Variants in MYH15 observed in about 807,000 individuals in gnomAD.
MYH15 encodes the protein myosin heavy chain 15.
MYH15 carries 227 observed loss-of-function variants against 240.5 expected under a neutral mutation model. The observed-to-expected ratio is 0.94, with a 90% CI of 0.85 to 1.05. The LOEUF (loss-of-function observed/expected upper bound fraction) is 1.05. Among genes scored for constraint, MYH15 ranks in the 50% least tolerant of loss-of-function variants. The pLI, the probability that MYH15 is intolerant of heterozygous loss-of-function variation, is 0.00. For synonymous variants in MYH15, 785 were observed against 796.7 expected, an observed-to-expected ratio of 0.99 and a Z score of 0.25; for missense variants, 2,217 against 2,247.5, an observed-to-expected ratio of 0.99 and a Z score of 0.27.
chr3:108,519,149 T>C (rs555174106), intron 1 of MYH15, among the ~76,000 whole-genome samples: 1 of 152,238 alleles, frequency 6.6e-6, no homozygotes, highest in East Asian at 1.9e-4. Context: ...ATGCAACATG[T>C]CCATACAGGC....
the MYH15 span, among the ~76,000 whole-genome samples, chr3:108,539,601 TA>T: frequency 3.9e-5 from 6 of 152,014 alleles, no homozygotes; most frequent in African/African-American, 7.2e-5. Flanking sequence ...GTCAATTACA[TA>T]AAATAGGAAA....
intron 9 of MYH15, among the ~76,000 whole-genome samples, chr3:108,489,940 G>A (rs2107598196): frequency 1.3e-5 from 2 of 152,330 alleles, no homozygotes; most frequent in Middle Eastern, 3.4e-3. Flanking sequence ...AAAGACCGAA[G>A]AAGATAAATG....
chr3:108,408,699 G>A (rs1284594172), intron 31 of MYH15, among the ~76,000 whole-genome samples: 3 of 152,196 alleles, frequency 2.0e-5, no homozygotes, highest in African/African-American at 7.2e-5. Context: ...CTGCTCATTA[G>A]AGCCATTCCA....
intron 28 of MYH15, among the ~76,000 whole-genome samples, chr3:108,417,764 C>T (rs1560339739): frequency 6.7e-6 from 1 of 149,620 alleles, no homozygotes; most frequent in Non-Finnish European, 1.5e-5. Context: ...GTGTCAGATA[C>T]ACACACACAC....
intron 31 of MYH15, among the ~76,000 whole-genome samples, 172 bp from the exon 32 acceptor site, chr3:108,408,576 T>C (rs923411060): frequency 6.6e-6 from 1 of 152,242 alleles, no homozygotes; most frequent in African/African-American, 2.4e-5. Context: ...GTATTCATTT[T>C]TTCATATAGT....
chr3:108,433,143 C>T (rs2082795008), intron 25 of MYH15, among the ~76,000 whole-genome samples: 1 of 152,208 alleles, frequency 6.6e-6, no homozygotes, highest in Non-Finnish European at 1.5e-5. Flanking sequence ...CAATGGGAAC[C>T]TACCTCTTGC....
chr3:108,480,416 T>C (rs1326300707), intron 11 of MYH15, among the ~76,000 whole-genome samples: 1 of 152,180 alleles, frequency 6.6e-6, no homozygotes, highest in Non-Finnish European at 1.5e-5. Context: ...GGGTGACTTC[T>C]GGTCGCAGAA....
chr3:108,415,153 A>G lies in MYH15; in HGVS notation c.3949-725T>C, dbSNP rs2082623552. ...GCTGGGTTTAATAAACATTTTTATCATTTAAATGGTGATCTGGCTAACCTA... is the reference window on the plus strand; with the variant it reads ...GCTGGGTTTAATAAACATTTTTATCGTTTAAATGGTGATCTGGCTAACCTA... On this transcript the variant is annotated intron_variant, in intron 29 of 40. Transcript: ENST00000693548. Among the ~76,000 whole-genome samples, 3 of 152,316 alleles carry G rather than the reference A, an allele frequency of 2.0e-5. No individual in the cohort carries two copies. In the South Asian group the frequency reaches 6.2e-4, roughly 32 times the overall value.
chr3:108,542,793 C>T, the MYH15 span, among the ~76,000 whole-genome samples: 1 of 152,008 alleles, frequency 6.6e-6, no homozygotes, highest in Non-Finnish European at 1.5e-5. Context: ...TGAGAACATG[C>T]AGCGTTTGGT....
intron 19 of MYH15, 33 bp from the exon 20 acceptor site, chr3:108,455,892 G>A: frequency 6.3e-7 from 1 of 1,586,162 alleles, no homozygotes; most frequent in African/African-American, 1.3e-5. Context: ...TCATGAGTTT[G>A]GGAAATCATA....
chr3:108,542,889 T>C, the MYH15 span, among the ~76,000 whole-genome samples: 267 of 150,982 alleles, frequency 1.8e-3, no homozygotes, highest in African/African-American at 5.5e-3. Flanking sequence ...TCCTTTTTTT[T>C]TTTTTTTTTG....
At chr3:108,519,654 C>T (rs182166548) in intron 1 of MYH15, among the ~76,000 whole-genome samples, 1 of 152,250 alleles carries the variant, frequency 6.6e-6, no homozygotes, top group East Asian at 1.9e-4. Context: ...CTATAAAATA[C>T]TAGGTAATAC....
At chr3:108,499,254 C>T (rs115569206) in intron 5 of MYH15, among the ~76,000 whole-genome samples, 23 of 152,304 alleles carry the variant, frequency 1.5e-4, no homozygotes, top group African/African-American at 5.1e-4. Context: ...GGCAGACTAG[C>T]TGACCCCATA....
chr3:108,385,548 G>C (rs1323540281), intron 38 of MYH15, among the ~76,000 whole-genome samples: 1 of 152,154 alleles, frequency 6.6e-6, no homozygotes, highest in Non-Finnish European at 1.5e-5. Context: ...AGGCAGGCAG[G>C]TAGATAGGGG....
At chr3:108,535,608 A>G in the MYH15 span, among the ~76,000 whole-genome samples, 1 of 152,162 alleles carries the variant, frequency 6.6e-6, no homozygotes, top group African/African-American at 2.4e-5. Context: ...CTGTAGTTTA[A>G]CAAGACCTCC....
rs113522766 is a variant in MYH15, at chr3:108,502,694, T to C, written c.196-839A>G. Reference sequence around the variant, plus strand: ...ACACCCTTTCTATAGCCCTTTTCCATGATTAATACATATTTGTGTCAACTG... The same window carrying C: ...ACACCCTTTCTATAGCCCTTTTCCACGATTAATACATATTTGTGTCAACTG... On this transcript the variant is annotated intron_variant, in intron 2 of 40. Coordinates refer to ENST00000693548, the MANE Select transcript of MYH15 (RefSeq NM_014981.3). Among the ~76,000 whole-genome samples the C allele has an allele frequency of 2.8e-3, 426 of 152,312 alleles. 2 individuals are homozygous for C. Among genetic ancestry groups the C allele is most frequent in the African/African-American group, 9.6e-3 (399 of 41,582 alleles).
chr3:108,461,301 A>G (rs1442937031), intron 16 of MYH15, among the ~76,000 whole-genome samples: 1 of 152,184 alleles, frequency 6.6e-6, no homozygotes, highest in Non-Finnish European at 1.5e-5. Flanking sequence ...TTTGTACTTC[A>G]GTTTTTCCAT....
chr3:108,514,073 G>A (rs1183744836), upstream of MYH15, among the ~76,000 whole-genome samples: 1 of 152,178 alleles, frequency 6.6e-6, no homozygotes, highest in Non-Finnish European at 1.5e-5. Context: ...TGAGATGTAA[G>A]CTTTTCCTCT....
intron 2 of MYH15, among the ~76,000 whole-genome samples, chr3:108,504,185 A>G (rs1328842565): frequency 6.6e-6 from 1 of 152,154 alleles, no homozygotes; most frequent in African/African-American, 2.4e-5. Context: ...TGGGCACAAG[A>G]TTTCTTTGGG....
Sources: gnomAD v4.1 joint callset for allele counts (sites outside exome capture counted in the v4.1 genomes callset) on GRCh38, gnomAD v4.1.1 for gene constraint, MANE v1.5 for transcripts, NCBI Gene and HGNC (gene_info 2026-07-23, HGNC 2026-07-21) for gene names.